The following FAM163A variants were observed in gnomAD, a reference collection of about 807,000 sequenced individuals.
FAM163A encodes family with sequence similarity 163 member A.
A neutral mutation model predicts 12.0 loss-of-function variants in FAM163A; 7 were observed. The observed-to-expected ratio is 0.58, with a 90% CI of 0.33 to 1.10. The LOEUF (loss-of-function observed/expected upper bound fraction) is 1.10, where lower values mean the gene tolerates loss of function less well. Ranked by LOEUF, FAM163A falls within the 50% of genes least tolerant of loss-of-function variation. The pLI is 0.03. For missense variants in FAM163A, 202 were observed against 218.6 expected (o/e 0.92, Z 0.48); for synonymous variants, 101 against 91.0 (o/e 1.11, Z -0.62).
chr1:179,756,085 T>C (rs1345850289), intron 1 of FAM163A, among the ~76,000 whole-genome samples: 2 of 152,148 alleles, frequency 1.3e-5, no homozygotes, highest in East Asian at 3.9e-4. Flanking sequence ...GCTGAGCACA[T>C]TGGAGGATTC....
intron 1 of FAM163A, among the ~76,000 whole-genome samples, chr1:179,773,629 C>T (rs761836158): frequency 9.9e-5 from 15 of 152,268 alleles, no homozygotes; most frequent in Admixed American, 6.5e-5. Context: ...ACCCATTCCC[C>T]GCTGTAAGCA....
chr1:179,744,148 G>A (rs866049616), intron 1 of FAM163A, among the ~76,000 whole-genome samples: 83 of 152,278 alleles, frequency 5.5e-4, no homozygotes, highest in African/African-American at 1.9e-3. Context: ...CCGGCGTCTC[G>A]GCCAGCGAGT....
chr1:179,728,186 T>C, the FAM163A span, among the ~76,000 whole-genome samples: 5 of 152,208 alleles, frequency 3.3e-5, no homozygotes, highest in African/African-American at 1.2e-4. Flanking sequence ...TAGTCCCTTG[T>C]ATGTCCATTC....
chr1:179,790,343 C>T (rs1015082621), intron 1 of FAM163A, among the ~76,000 whole-genome samples: 1 of 151,100 alleles, frequency 6.6e-6, no homozygotes, highest in Non-Finnish European at 1.5e-5. Flanking sequence ...ACTAGTCTCC[C>T]CATATTACAG....
Position 179,814,403 on chromosome 1 carries a change from A to G in FAM163A, c.*214A>G. On this transcript the variant is annotated 3_prime_UTR_variant, in exon 5 of 5. Coordinates refer to ENST00000341785, the MANE Select transcript of FAM163A (RefSeq NM_173509.3). The stretch of plus-strand genomic sequence containing the variant: ...CAACTCTGTGGGCCAGAGGTGGGGG[A>G]CTGCTAGGTCGAGTCTGCAGCTTCG... 1 of 624,398 alleles carries G rather than the reference A, an allele frequency of 1.6e-6. No individual in the cohort carries two copies. The highest frequency in any genetic ancestry group is 2.6e-6 in the Non-Finnish European group (1 of 381,764). 38.7% of individuals were successfully genotyped at this position (624,398 alleles called of 1,614,324 possible).
intron 1 of FAM163A, among the ~76,000 whole-genome samples, chr1:179,795,654 A>G (rs529746051): frequency 1.3e-5 from 2 of 152,326 alleles, no homozygotes; most frequent in South Asian, 4.1e-4. Context: ...TGCTGTTATA[A>G]CAGCAGAAAA....
chr1:179,756,340 C>T (rs557821744), intron 1 of FAM163A, among the ~76,000 whole-genome samples: 3 of 152,114 alleles, frequency 2.0e-5, no homozygotes, highest in South Asian at 2.1e-4. Context: ...GAGGAAGAGA[C>T]AAGTTCTAGA....
At chr1:179,737,368 G>C in the FAM163A span, among the ~76,000 whole-genome samples, 6 of 152,288 alleles carry the variant, frequency 3.9e-5, no homozygotes, top group African/African-American at 1.4e-4. Context: ...AGGAAATGAA[G>C]AGTTGTTGTT....
upstream of FAM163A, among the ~76,000 whole-genome samples, chr1:179,740,961 C>A (rs1359304248): frequency 1.3e-5 from 2 of 150,734 alleles, no homozygotes; most frequent in Non-Finnish European, 3.0e-5. Context: ...ACAATTATCT[C>A]AAAATGAAAG....
chr1:179,811,578 C>T (rs921975825), intron 2 of FAM163A, among the ~76,000 whole-genome samples: 1 of 152,158 alleles, frequency 6.6e-6, no homozygotes, highest in African/African-American at 2.4e-5. Context: ...CGCTGCTGGT[C>T]CACAGAGCGG....
At position 179,776,774 on chromosome 1, in the gene FAM163A, G is replaced by A. The variant is rs1450375686; in HGVS notation, c.-135-31024G>A. On this transcript the variant is annotated intron_variant, in intron 1 of 4. Transcript: ENST00000341785. The stretch of plus-strand genomic sequence containing the variant: ...GAAGTGAAATTCATATATCATAAAA[G>A]CACCATTTCAAAGTGTTCAGTTCAA... Among the ~76,000 whole-genome samples the A allele has an allele frequency of 3.9e-5, 6 of 152,122 alleles. No homozygotes were observed. The East Asian group carries it at 9.6e-4, about 24-fold the overall frequency.
intron 1 of FAM163A, among the ~76,000 whole-genome samples, chr1:179,744,889 C>T (rs12047821): frequency 0.23 from 34,894 of 152,182 alleles, 4,719 homozygotes; most frequent in East Asian, 0.63. Context: ...CAAACAATAA[C>T]TGCGGGCTTC....
intron 1 of FAM163A, among the ~76,000 whole-genome samples, chr1:179,745,902 C>G (rs1684401360): frequency 6.6e-6 from 1 of 152,124 alleles, no homozygotes; most frequent in Admixed American, 6.5e-5. Context: ...CATGTGGTAG[C>G]TGGAAATCCA....
At chr1:179,791,181 C>T (rs1691440081) in intron 1 of FAM163A, among the ~76,000 whole-genome samples, 1 of 152,206 alleles carries the variant, frequency 6.6e-6, no homozygotes, top group Non-Finnish European at 1.5e-5. Flanking sequence ...AGGAAAGGCC[C>T]AAGGAACCTA....
the FAM163A span, among the ~76,000 whole-genome samples, chr1:179,734,473 T>C: frequency 2.2e-4 from 33 of 152,336 alleles, no homozygotes; most frequent in Admixed American, 2.0e-3. Flanking sequence ...AATAAAAACA[T>C]AGAAATTTAT....
chr1:179,766,745 TTTTC>T (rs1021509679), intron 1 of FAM163A, among the ~76,000 whole-genome samples: 3 of 148,190 alleles, frequency 2.0e-5, no homozygotes, highest in African/African-American at 4.9e-5. Context: ...TCCTTTTTAC[TTTTC>T]TTTCTTTTTT....
chr1:179,807,647 A>G (rs1247303488), intron 1 of FAM163A, among the ~76,000 whole-genome samples, 151 bp from the exon 2 acceptor site: 1 of 152,174 alleles, frequency 6.6e-6, no homozygotes, highest in Non-Finnish European at 1.5e-5. Context: ...CTCGGAAACC[A>G]AGGCAGCTGT....
intron 2 of FAM163A, among the ~76,000 whole-genome samples, chr1:179,810,300 G>C (rs764822027): frequency 1.3e-5 from 2 of 152,162 alleles, no homozygotes; most frequent in Non-Finnish European, 2.9e-5. Flanking sequence ...GCAGTCAGGG[G>C]AGGCTTCTCA....
At chr1:179,760,524 G>A (rs1314522279) in intron 1 of FAM163A, among the ~76,000 whole-genome samples, 4 of 152,198 alleles carry the variant, frequency 2.6e-5, no homozygotes, top group South Asian at 4.1e-4. Flanking sequence ...TAAAGTGGGG[G>A]AGAATGGGCA....
Sources: gnomAD v4.1 joint callset for allele counts (sites outside exome capture counted in the v4.1 genomes callset) on GRCh38, gnomAD v4.1.1 for gene constraint, MANE v1.5 for transcripts, NCBI Gene and HGNC (gene_info 2026-07-23, HGNC 2026-07-21) for gene names.